Variants in STAT4 observed in about 807,000 individuals in gnomAD.
STAT4 encodes the protein signal transducer and activator of transcription 4.
STAT4 carries 42 observed loss-of-function variants against 110.5 expected under a neutral mutation model. The ratio of observed to expected loss-of-function variants is 0.38; its 90% confidence interval spans 0.30 to 0.49. STAT4 has a LOEUF of 0.49. Among genes scored for constraint, STAT4 ranks in the 20% least tolerant of loss-of-function variants. The pLI is 0.95. For missense variants in STAT4, 632 were observed against 887.9 expected (o/e 0.71, Z 3.66); for synonymous variants, 284 against 302.2 (o/e 0.94, Z 0.63).
chr2:191,080,256 T>C (rs1006048465), intron 3 of STAT4, among the ~76,000 whole-genome samples: 3 of 152,124 alleles, frequency 2.0e-5, no homozygotes, highest in African/African-American at 7.2e-5. Flanking sequence ...TATTTCAACA[T>C]AGATATATAT....
intron 3 of STAT4, among the ~76,000 whole-genome samples, chr2:191,114,110 T>C (rs749890801): frequency 1.1e-4 from 16 of 152,216 alleles, no homozygotes; most frequent in Non-Finnish European, 1.8e-4. Flanking sequence ...TGTATCTACC[T>C]GAATTGTGGT....
rs11377634 is a variant in STAT4 at position 191,116,797 on chromosome 2, A to AC, written c.273+29815_273+29816insG. 6.6e-6 allele frequency among the ~76,000 whole-genome samples: 1 copy of AC among 152,230 alleles called. No individual in the cohort carries two copies. The highest frequency in any genetic ancestry group is 1.5e-5 in the Non-Finnish European group (1 of 68,052). ...TCCTGGCAGAGAAACTCCCCAACATAACTTGTTGAATGAATAAATGACTGA... is the reference window on the plus strand; with the variant it reads ...TCCTGGCAGAGAAACTCCCCAACATACACTTGTTGAATGAATAAATGACTGA... On this transcript the variant is annotated intron_variant, in intron 3 of 23. Transcript: ENST00000392320. This position sits in a 1 kb window ranked among gnomAD's most constrained non-coding sequence, Gnocchi z 4.1.
rs757760411 is a variant in STAT4, at chr2:191,112,684, T to G, written c.273+33929A>C. Among the ~76,000 whole-genome samples the G allele has an allele frequency of 3.9e-5, 6 of 152,194 alleles. No homozygotes were observed. The highest frequency in any genetic ancestry group is 6.5e-5 in the Admixed American group (1 of 15,278). On this transcript the variant is annotated intron_variant, in intron 3 of 23. Transcript: ENST00000392320. The surrounding 1 kb of genome is among the most constrained non-coding windows in gnomAD (Gnocchi z 4.3). ...CATTTTTGACAACTTTGTGAGGTGT[T>G]ATTATTACTCCATTTCTGCAGTGAG...
chr2:191,100,677 CTAAT>C (rs1236985072), intron 3 of STAT4, among the ~76,000 whole-genome samples: 3 of 151,892 alleles, frequency 2.0e-5, no homozygotes, highest in Non-Finnish European at 2.9e-5. Context: ...TCATTTGGAG[CTAAT>C]TAGTCAGATA....
intron 3 of STAT4, among the ~76,000 whole-genome samples, chr2:191,132,367 C>T (rs1699059691): frequency 6.6e-6 from 1 of 151,674 alleles, no homozygotes; most frequent in Non-Finnish European, 1.5e-5. Context: ...CTTTACAGTA[C>T]CAGATATTCT....
intron 4 of STAT4, 133 bp downstream of exon 4, chr2:191,076,094 T>C (rs1307425674): frequency 1.8e-5 from 12 of 674,674 alleles, no homozygotes; most frequent in Non-Finnish European, 2.8e-5. Context: ...CTTCAAATGA[T>C]CCTCCCACCT....
At chr2:191,036,437 G>C in intron 16 of STAT4, 138 bp from the exon 17 acceptor site, 1 of 887,344 alleles carries the variant, frequency 1.1e-6, no homozygotes, top group Non-Finnish European at 1.7e-6. Context: ...TGATAGTCAG[G>C]CAGTTAACTG....
rs1222400823 is a variant in STAT4 at position 191,091,917 on chromosome 2, G to A, written c.274-15592C>T. ...ATAATATATTGAAATATACCATAAG[G>A]TCATTGTATCCAATAGTAATGACAT... On this transcript the variant is annotated intron_variant, in intron 3 of 23. Transcript: ENST00000392320. This position sits in a 1 kb window ranked among gnomAD's most constrained non-coding sequence, Gnocchi z 5.4. 2.0e-5 allele frequency among the ~76,000 whole-genome samples: 3 copies of A among 152,082 alleles called. No homozygotes were observed. In the East Asian group the frequency reaches 5.8e-4, roughly 29 times the overall value.
chr2:191,098,004 A>G (rs1698054692), intron 3 of STAT4, among the ~76,000 whole-genome samples: 1 of 152,218 alleles, frequency 6.6e-6, no homozygotes, highest in African/African-American at 2.4e-5. Flanking sequence ...CAACAGACAC[A>G]TGAAAAAATG....
chr2:191,111,501 T>C (rs112414777), intron 3 of STAT4, among the ~76,000 whole-genome samples: 3 of 152,318 alleles, frequency 2.0e-5, no homozygotes, highest in African/African-American at 7.2e-5. Context: ...ACTTGATTCA[T>C]GCAAAAATGT....
chr2:191,036,071 C>G lies in STAT4; in HGVS notation c.1570+93G>C, dbSNP rs974161432. 7 of 1,399,972 alleles carry G rather than the reference C, an allele frequency of 5.0e-6. No individual in the cohort carries two copies. In the South Asian group the frequency reaches 9.6e-5, roughly 19 times the overall value. The allele number at this position is 1,399,972 out of a possible 1,614,324, so 86.7% of individuals were successfully genotyped here. ...GCATTGAATAAATTATGATTATCAT[C>G]TTTATTATTAGTAGTAGTAATAGCG... On this transcript the variant is annotated intron_variant, in intron 17 of 23. Transcript: ENST00000392320.
At chr2:191,105,971 C>G (rs879256995) in intron 3 of STAT4, among the ~76,000 whole-genome samples, 4 of 152,128 alleles carry the variant, frequency 2.6e-5, no homozygotes, top group Non-Finnish European at 5.9e-5. Context: ...GGGTGCCTCA[C>G]TGGGATTTGC....
At position 191,062,657 on chromosome 2, in the gene STAT4, G is replaced by C. The variant is rs559210289; in HGVS notation, c.941+105C>G. 3.3e-5 allele frequency: 42 copies of C among 1,266,248 alleles called. No homozygotes were observed. Among genetic ancestry groups the C allele is most frequent in the Middle Eastern group, 3.9e-4 (2 of 5,116 alleles). 78.4% of individuals were successfully genotyped at this position (1,266,248 alleles called of 1,614,324 possible). On this transcript the variant is annotated intron_variant, in intron 9 of 23. Coordinates refer to ENST00000392320, the MANE Select transcript of STAT4 (RefSeq NM_003151.4). This position sits in a 1 kb window ranked among gnomAD's most constrained non-coding sequence, Gnocchi z 4.9. ...TTCTATTCACTTCTCCCTGAGGCTCGTTGTTGAATACTTCCCTGCCACTCT... is the reference window on the plus strand; with the variant it reads ...TTCTATTCACTTCTCCCTGAGGCTCCTTGTTGAATACTTCCCTGCCACTCT...
intron 3 of STAT4, among the ~76,000 whole-genome samples, chr2:191,098,268 C>T (rs113920510): frequency 0.018 from 2,756 of 152,250 alleles, 91 homozygotes; most frequent in African/African-American, 0.063. Context: ...ACTGGGTATA[C>T]ATCCAAAGGA....
rs1378775574 is a variant in STAT4, at chr2:191,076,211, G to C, written c.372+16C>G. On this transcript the variant is annotated intron_variant, in intron 4 of 23. Coordinates refer to ENST00000392320, the MANE Select transcript of STAT4 (RefSeq NM_003151.4). ...GTTCAAGGTGATAACAAGATCACAA[G>C]GTCAGAAAATATTACCTGGACAGGC... 1 of 1,602,788 alleles carries C rather than the reference G, an allele frequency of 6.2e-7. No homozygotes were observed. The highest frequency in any genetic ancestry group is 1.3e-5 in the African/African-American group (1 of 74,480).
At chr2:191,067,050 CT>C (rs533153761) in intron 6 of STAT4, among the ~76,000 whole-genome samples, 16 of 148,706 alleles carry the variant, frequency 1.1e-4, no homozygotes, top group African/African-American at 2.7e-4. Flanking sequence ...CTTTCCCCCA[CT>C]TTTTTTTCTT....
chr2:191,091,738 T>C lies in STAT4; in HGVS notation c.274-15413A>G, dbSNP rs1356161292. Among the ~76,000 whole-genome samples the C allele has an allele frequency of 6.6e-6, 1 of 152,332 alleles. No homozygotes were observed. The highest frequency in any genetic ancestry group is 2.1e-4 in the South Asian group (1 of 4,830). ...TCTCAAAACTGTTTGTGATAAATGC[T>C]GTCATCCTGAGTATACAGCTAGGTA... On this transcript the variant is annotated intron_variant, in intron 3 of 23. Coordinates refer to ENST00000392320, the MANE Select transcript of STAT4 (RefSeq NM_003151.4). This position sits in a 1 kb window ranked among gnomAD's most constrained non-coding sequence, Gnocchi z 5.4.
In STAT4 at chr2:191,033,635, A is replaced by G. The variant is rs1283942112; in HGVS notation, c.1716-9T>C. 2 of 1,609,904 alleles carry G rather than the reference A, an allele frequency of 1.2e-6. No individual in the cohort carries two copies. Among genetic ancestry groups the G allele is most frequent in the Non-Finnish European group, 1.7e-6 (2 of 1,178,822 alleles). On this transcript the variant is annotated splice_polypyrimidine_tract_variant and intron_variant, in intron 19 of 23. Transcript: ENST00000392320. This position sits in a 1 kb window ranked among gnomAD's most constrained non-coding sequence, Gnocchi z 6.9. Reference sequence around the variant, plus strand: ...CAAAGCCCATGACATACCTAAAAATAGAACATGCATTATTTCATCTGATCA... The same window carrying G: ...CAAAGCCCATGACATACCTAAAAATGGAACATGCATTATTTCATCTGATCA...
At chr2:191,064,209 A>G (rs1224679035) in intron 8 of STAT4, among the ~76,000 whole-genome samples, 2 of 152,238 alleles carry the variant, frequency 1.3e-5, no homozygotes, top group Admixed American at 6.5e-5. Context: ...GTATGTAAAC[A>G]TTTGTTGAAT....
Sources: allele counts gnomAD v4.1 joint callset (sites outside exome capture counted in the v4.1 genomes callset), GRCh38; gene constraint gnomAD v4.1.1; non-coding constraint Gnocchi (gnomAD v3.1); transcripts MANE v1.5; gene names NCBI Gene and HGNC (gene_info 2026-07-23, HGNC 2026-07-21).